The following KNTC1 variants were observed in gnomAD, a reference collection of about 807,000 sequenced individuals.
The protein encoded by KNTC1 is kinetochore associated 1, also known as kinetochore-associated protein 1.
Under a neutral mutation model 314.4 loss-of-function variants are expected in KNTC1, and 253 were observed. The observed-to-expected ratio is 0.80, with a 90% CI of 0.73 to 0.89. The LOEUF (loss-of-function observed/expected upper bound fraction) is 0.89. Among genes scored for constraint, KNTC1 ranks in the 40% least tolerant of loss-of-function variants. KNTC1 has a pLI of 0.00. For missense variants in KNTC1, 2,475 were observed against 2,572.9 expected (o/e 0.96, Z 0.82); for synonymous variants, 901 against 901.4 (o/e 1.00, Z 0.01).
intron 2 of KNTC1, among the ~76,000 whole-genome samples, chr12:122,531,979 C>T (rs1458961897): frequency 6.6e-6 from 1 of 150,450 alleles, no homozygotes; most frequent in Non-Finnish European, 1.5e-5. Flanking sequence ...GTGATCCGCC[C>T]GGCTCGGCCT....
chr12:122,601,465 T>C lies in KNTC1; in HGVS notation c.4564-71T>C, dbSNP rs1413673483. ...TTTTATATTTGTAATCTGTGCTGAT[T>C]ATTGTAATTGAATAAAATTTCAACA... On this transcript the variant is annotated intron_variant, in intron 44 of 63. Coordinates refer to ENST00000333479, the MANE Select transcript of KNTC1 (RefSeq NM_014708.6). The C allele has an allele frequency of 2.4e-6, 3 of 1,239,752 alleles. No homozygotes were observed. In the African/African-American group the frequency reaches 4.6e-5, roughly 19 times the overall value. 76.8% of individuals were successfully genotyped at this position (1,239,752 alleles called of 1,614,324 possible).
chr12:122,591,122 T>A lies in KNTC1; in HGVS notation c.4129-215T>A, dbSNP rs1332835134. ...AAGATAACTAAAATTTGGCCTTTTA[T>A]TATAAAGGAAAGCCAGGCTAAATGT... is the stretch of plus-strand genomic sequence containing the variant. On this transcript the variant is annotated intron_variant, in intron 41 of 63. Transcript: ENST00000333479. Among the ~76,000 whole-genome samples the A allele has an allele frequency of 2.0e-5, 3 of 152,084 alleles. No homozygotes were observed. In the East Asian group the frequency reaches 5.8e-4, roughly 29 times the overall value.
chr12:122,608,205 G>A (rs1317578332), intron 51 of KNTC1, among the ~76,000 whole-genome samples: 1 of 152,098 alleles, frequency 6.6e-6, no homozygotes, highest in Non-Finnish European at 1.5e-5. Flanking sequence ...CGCCTCCCCG[G>A]CTCAAGTGAT....
At chr12:122,610,798 C>T in intron 52 of KNTC1, 24 bp from the exon 53 acceptor site, 1 of 1,474,688 alleles carries the variant, frequency 6.8e-7, no homozygotes, top group Non-Finnish European at 9.5e-7. Flanking sequence ...TAAAAAATGA[C>T]TGTAATTAAA....
intron 57 of KNTC1, among the ~76,000 whole-genome samples, chr12:122,616,783 A>G (rs540855352): frequency 6.6e-6 from 1 of 152,328 alleles, no homozygotes; most frequent in African/African-American, 2.4e-5. Flanking sequence ...TACACAATGA[A>G]GTAGTTTTTG....
intron 16 of KNTC1, among the ~76,000 whole-genome samples, chr12:122,553,025 C>T (rs917703185): frequency 6.6e-6 from 1 of 151,970 alleles, no homozygotes; most frequent in African/African-American, 2.4e-5. Context: ...GGTGTGGTGG[C>T]ACATGCCTGT....
At chr12:122,550,414 T>G (rs1041032295) in intron 13 of KNTC1, among the ~76,000 whole-genome samples, 1 of 152,040 alleles carries the variant, frequency 6.6e-6, no homozygotes, top group Non-Finnish European at 1.5e-5. Flanking sequence ...GATTTAAATT[T>G]TACCAATTGG....
At chr12:122,547,599 C>T (rs962423309) in intron 11 of KNTC1, 69 bp downstream of exon 11, 2 of 989,668 alleles carry the variant, frequency 2.0e-6, no homozygotes, top group Non-Finnish European at 3.1e-6. Flanking sequence ...TGGTTTTGTT[C>T]AGGTCATTTA....
Position 122,547,925 on chromosome 12 carries a change from A to G in KNTC1, c.943A>G (p.Thr315Ala). 1 of 1,542,422 alleles carries G rather than the reference A, an allele frequency of 6.5e-7. No individual in the cohort carries two copies. Among genetic ancestry groups the G allele is most frequent in the South Asian group, 1.2e-5 (1 of 80,376 alleles). ...SPSSVTWQGI[T>A]NLKLIALTAS... ...TCTTTTCTCTTTTAGGCAAGGAATT[A>G]CAAATCTCAAATTAATAGCTCTGAC... The change falls in exon 12 of 64, where the codon ACA becomes GCA. Residue 315 changes from threonine to alanine, a missense_variant. By Grantham distance (58) the Thr-to-Ala change is moderately conservative (BLOSUM62 0). Transcript: ENST00000333479.
intron 60 of KNTC1, among the ~76,000 whole-genome samples, chr12:122,621,039 T>G (rs978158245): frequency 2.6e-5 from 4 of 152,148 alleles, no homozygotes; most frequent in Admixed American, 1.3e-4. Flanking sequence ...GCTTGAGGGT[T>G]AAGTACCCAT....
intron 16 of KNTC1, among the ~76,000 whole-genome samples, chr12:122,555,466 C>T (rs1056086328): frequency 6.6e-6 from 1 of 152,058 alleles, no homozygotes; most frequent in Non-Finnish European, 1.5e-5. Flanking sequence ...GCAGATGAAT[C>T]GCTTGAATCA....
chr12:122,560,291 T>C (rs1453545727), intron 18 of KNTC1, among the ~76,000 whole-genome samples: 1 of 152,214 alleles, frequency 6.6e-6, no homozygotes, highest in East Asian at 1.9e-4. Flanking sequence ...GCTATGAACA[T>C]GGGTGTACAG....
At chr12:122,555,833 A>T (rs1011794564) in intron 16 of KNTC1, among the ~76,000 whole-genome samples, 2 of 152,202 alleles carry the variant, frequency 1.3e-5, no homozygotes, top group Admixed American at 1.3e-4. Context: ...TGGGCGACAG[A>T]GCGAGACTCT....
At chr12:122,594,676 A>T (rs1362635049) in intron 43 of KNTC1, among the ~76,000 whole-genome samples, 1 of 152,188 alleles carries the variant, frequency 6.6e-6, no homozygotes, top group African/African-American at 2.4e-5. Flanking sequence ...GTGGGTCTGG[A>T]CCAAGGCCTA....
intron 12 of KNTC1, among the ~76,000 whole-genome samples, chr12:122,549,422 T>G (rs1258766660): frequency 6.6e-6 from 1 of 152,096 alleles, no homozygotes; most frequent in African/African-American, 2.4e-5. Context: ...CAATCTCGGC[T>G]CACTGCAACC....
At chr12:122,608,776 G>T (rs1872787774) in intron 51 of KNTC1, among the ~76,000 whole-genome samples, 2 of 152,104 alleles carry the variant, frequency 1.3e-5, no homozygotes, top group Non-Finnish European at 1.5e-5. Flanking sequence ...TCTAATACGG[G>T]GCTGGGCAAG....
chr12:122,563,533 C>G (rs892328730), intron 20 of KNTC1, among the ~76,000 whole-genome samples: 1 of 152,142 alleles, frequency 6.6e-6, no homozygotes, highest in Non-Finnish European at 1.5e-5. Context: ...CCAGGTCATT[C>G]TCTGTGGGCT....
At chr12:122,606,483 G>A (rs985771274) in intron 51 of KNTC1, among the ~76,000 whole-genome samples, 6 of 152,062 alleles carry the variant, frequency 3.9e-5, no homozygotes, top group Non-Finnish European at 8.8e-5. Context: ...CTCCCAAAGT[G>A]TTGGGATTAC....
In KNTC1 at chr12:122,559,870, C is replaced by G. The variant is rs116539802; in HGVS notation, c.1489-2051C>G. On this transcript the variant is annotated intron_variant, in intron 18 of 63. Transcript: ENST00000333479. ...AATTATAGGCATGAGCCACTGCGCCCGGCCTATCTTAAGCATTTTTAAATT... is the reference window on the plus strand; with the variant it reads ...AATTATAGGCATGAGCCACTGCGCCGGGCCTATCTTAAGCATTTTTAAATT... 3.2e-3 allele frequency among the ~76,000 whole-genome samples: 482 copies of G among 152,278 alleles called. 4 individuals carry two copies. The highest frequency in any genetic ancestry group is 0.011 in the African/African-American group (461 of 41,554).
Sources: allele counts gnomAD v4.1 joint callset (sites outside exome capture counted in the v4.1 genomes callset), GRCh38; gene constraint gnomAD v4.1.1; transcripts MANE v1.5; gene names NCBI Gene and HGNC (gene_info 2026-07-23, HGNC 2026-07-21).